Variants in FRMPD4 observed in about 807,000 individuals in gnomAD.
FRMPD4 encodes the protein FERM and PDZ domain containing 4, also known as FERM and PDZ domain-containing protein 4.
A neutral mutation model predicts 94.1 loss-of-function variants in FRMPD4; 22 were observed. The ratio of observed to expected loss-of-function variants is 0.23; its 90% confidence interval spans 0.17 to 0.33. The LOEUF (loss-of-function observed/expected upper bound fraction) is 0.33, where lower values mean the gene tolerates loss of function less well. FRMPD4 is among the 10% of genes least tolerant of loss of function. The pLI is 1.00. For synonymous variants in FRMPD4, 631 were observed against 548.6 expected, an observed-to-expected ratio of 1.15 and a Z score of -2.10; for missense variants, 1,111 against 1,339.9, an observed-to-expected ratio of 0.83 and a Z score of 2.67.
chrX:12,665,788 A>G (rs1417577762), intron 4 of FRMPD4, among the ~76,000 whole-genome samples: 1 of 112,190 alleles, frequency 8.9e-6, no homozygotes, highest in East Asian at 2.8e-4. Context: ...CTAAATATGG[A>G]TAGGAAAAAC....
chrX:11,849,083 A>G (rs920244684), intron 1 of FRMPD4, among the ~76,000 whole-genome samples: 3 of 112,044 alleles, frequency 2.7e-5, no homozygotes, highest in Non-Finnish European at 5.6e-5. Flanking sequence ...GAAAGCTGGT[A>G]GAACTAATAC....
intron 2 of FRMPD4, among the ~76,000 whole-genome samples, chrX:12,573,866 A>C (rs1400492818): frequency 1.8e-5 from 2 of 112,828 alleles, no homozygotes; most frequent in Non-Finnish European, 3.7e-5. Flanking sequence ...GCAGATATGA[A>C]AATCCAGCTA....
At chrX:12,356,573 T>C (rs2055899083) in intron 1 of FRMPD4, among the ~76,000 whole-genome samples, 1 of 111,787 alleles carries the variant, frequency 8.9e-6, no homozygotes, top group Admixed American at 9.5e-5. Flanking sequence ...GAGCAATCTC[T>C]TTTTGTCATG....
At chrX:12,204,243 C>T (rs962962289) in intron 1 of FRMPD4, among the ~76,000 whole-genome samples, 13 of 112,166 alleles carry the variant, frequency 1.2e-4, no homozygotes, top group African/African-American at 4.2e-4. Flanking sequence ...CACAGGGCAG[C>T]CCCCACAACA....
At chrX:12,100,948 A>C (rs1189430295) in intron 3 of FRMPD4, among the ~76,000 whole-genome samples, 1 of 112,464 alleles carries the variant, frequency 8.9e-6, no homozygotes, top group Non-Finnish European at 1.9e-5. Flanking sequence ...TTTGTGGCTT[A>C]TTATTTCAGG....
chrX:12,275,894 G>A (rs1274465425), intron 1 of FRMPD4, among the ~76,000 whole-genome samples: 6 of 111,492 alleles, frequency 5.4e-5, no homozygotes, highest in Admixed American at 4.8e-4. Flanking sequence ...CCCAGAAGAC[G>A]CAGCAGCTTG....
At chrX:12,521,670 T>C (rs973295632) in intron 2 of FRMPD4, among the ~76,000 whole-genome samples, 10 of 112,098 alleles carry the variant, frequency 8.9e-5, no homozygotes, top group Non-Finnish European at 1.1e-4. Context: ...TGGAACTGTC[T>C]TCAGGATGAT....
intron 2 of FRMPD4, among the ~76,000 whole-genome samples, chrX:12,582,076 G>A: frequency 8.9e-6 from 1 of 112,196 alleles, no homozygotes; most frequent in East Asian, 2.8e-4. Context: ...TTAGAACAAT[G>A]CCCGGCACAT....
chrX:12,039,057 G>A (rs1186768661), intron 3 of FRMPD4, among the ~76,000 whole-genome samples: 2 of 109,404 alleles, frequency 1.8e-5, no homozygotes, highest in African/African-American at 6.6e-5. Flanking sequence ...GTGGTGCAGT[G>A]GAGTGCAGTG....
intron 1 of FRMPD4, among the ~76,000 whole-genome samples, chrX:12,467,327 C>T (rs1449835293): frequency 1.8e-5 from 2 of 111,848 alleles, no homozygotes; most frequent in Admixed American, 9.5e-5. Flanking sequence ...ATTTCCAACA[C>T]GGTTTCTTTT....
intron 1 of FRMPD4, among the ~76,000 whole-genome samples, chrX:12,238,430 C>T (rs1182379466): frequency 8.0e-5 from 9 of 111,974 alleles, no homozygotes; most frequent in African/African-American, 6.5e-5. Flanking sequence ...TGAGCCACCG[C>T]GTCCAGCCCT....
At chrX:12,675,866 C>G (rs761399418) in intron 5 of FRMPD4, among the ~76,000 whole-genome samples, 329 of 111,253 alleles carry the variant, frequency 3.0e-3, no homozygotes, top group Non-Finnish European at 5.2e-3. Flanking sequence ...ATTTGCTGAT[C>G]TCCATCTTCT....
intron 1 of FRMPD4, among the ~76,000 whole-genome samples, chrX:12,281,210 C>G: frequency 9.0e-6 from 1 of 111,119 alleles, no homozygotes; most frequent in Non-Finnish European, 1.9e-5. Flanking sequence ...ACAGAAAGCT[C>G]CACATAAAAT....
intron 1 of FRMPD4, among the ~76,000 whole-genome samples, chrX:12,325,895 A>C (rs2055280413): frequency 8.9e-6 from 1 of 112,356 alleles, no homozygotes; most frequent in South Asian, 3.7e-4. Flanking sequence ...ATGAATAAGT[A>C]TGTTGACTGG....
At chrX:12,396,806 T>C (rs1401598919) in intron 1 of FRMPD4, among the ~76,000 whole-genome samples, 5 of 112,293 alleles carry the variant, frequency 4.5e-5, no homozygotes, top group East Asian at 2.8e-4. Context: ...CTTGCCAACA[T>C]TGCATTTTTT....
intron 14 of FRMPD4, among the ~76,000 whole-genome samples, chrX:12,712,552 A>T (rs2042005953): frequency 9.0e-6 from 1 of 111,469 alleles, no homozygotes; most frequent in African/African-American, 3.3e-5. Context: ...CTGTCTCAAA[A>T]ATAAGTAAAT....
chrX:11,981,710 T>C (rs2054398164), intron 3 of FRMPD4, among the ~76,000 whole-genome samples: 1 of 111,773 alleles, frequency 8.9e-6, no homozygotes. Flanking sequence ...TTATTATGCA[T>C]TTTTGTGTTA....
At chrX:12,572,529 G>A (rs1031239405) in intron 2 of FRMPD4, among the ~76,000 whole-genome samples, 1 of 111,889 alleles carries the variant, frequency 8.9e-6, no homozygotes, top group African/African-American at 3.2e-5. Flanking sequence ...CTCAGCCATG[G>A]CTCTATTGAC....
chrX:12,200,038 C>A (rs909714908), intron 1 of FRMPD4, among the ~76,000 whole-genome samples: 2 of 111,145 alleles, frequency 1.8e-5, no homozygotes, highest in African/African-American at 6.5e-5. Flanking sequence ...AAGCAGTGAT[C>A]TTAGGTTTCA....
Sources: gnomAD v4.1 joint callset for allele counts (sites outside exome capture counted in the v4.1 genomes callset) on GRCh38, gnomAD v4.1.1 for gene constraint, MANE v1.5 for transcripts, NCBI Gene and HGNC (gene_info 2026-07-23, HGNC 2026-07-21) for gene names.